SUPT3H: variants seen among roughly 807,000 people sequenced by gnomAD.
SUPT3H encodes SPT3 homolog, SAGA and STAGA complex component, also known as transcription initiation protein SPT3 homolog.
A neutral mutation model predicts 44.3 loss-of-function variants in SUPT3H; 44 were observed. That is an observed-to-expected ratio of 0.99 (90% CI 0.78 to 1.28). SUPT3H has a LOEUF of 1.28. SUPT3H is among the 50% of genes most tolerant of loss of function. The probability of loss-of-function intolerance (pLI) is 0.00; values close to 1 mark genes in which losing one functional copy is unlikely to be tolerated. For missense variants in SUPT3H, 380 were observed against 387.1 expected, an observed-to-expected ratio of 0.98 and a Z score of 0.15; for synonymous variants, 124 against 125.6, an observed-to-expected ratio of 0.99 and a Z score of 0.09.
intron 3 of SUPT3H, among the ~76,000 whole-genome samples, chr6:45,065,510 T>C (rs1246982179): frequency 6.9e-6 from 1 of 145,314 alleles, no homozygotes; most frequent in Admixed American, 6.9e-5. Flanking sequence ...CAAAAATCAA[T>C]GAATCCAGGA....
At chr6:44,810,547 GA>G (rs1251354802) in intron 11 of SUPT3H, among the ~76,000 whole-genome samples, 1 of 149,290 alleles carries the variant, frequency 6.7e-6, no homozygotes, top group Admixed American at 6.7e-5. Flanking sequence ...GAGAAAAGAG[GA>G]AAAAATATCA....
At chr6:44,906,042 G>A (rs1253069200) in intron 10 of SUPT3H, among the ~76,000 whole-genome samples, 1 of 152,120 alleles carries the variant, frequency 6.6e-6, no homozygotes, top group Non-Finnish European at 1.5e-5. Flanking sequence ...GGGGGATGGG[G>A]AGGGATAGCA....
chr6:45,098,796 T>C, intron 3 of SUPT3H: 1 of 526,842 alleles, frequency 1.9e-6, no homozygotes, highest in Non-Finnish European at 3.8e-6. Context: ...TGATTACTGT[T>C]GTTCAGAGAG....
At chr6:45,061,576 G>A (rs968358808) in intron 3 of SUPT3H, among the ~76,000 whole-genome samples, 3 of 152,072 alleles carry the variant, frequency 2.0e-5, no homozygotes, top group Admixed American at 6.5e-5. Context: ...TGCACGTCCT[G>A]CACATGTACA....
intron 5 of SUPT3H, among the ~76,000 whole-genome samples, chr6:45,010,453 T>A (rs1019350611): frequency 9.2e-5 from 14 of 152,258 alleles, no homozygotes; most frequent in African/African-American, 3.4e-4. Context: ...CCATTAACTA[T>A]GATGTTAGGT....
intron 10 of SUPT3H, among the ~76,000 whole-genome samples, chr6:44,928,243 G>C (rs1026685438): frequency 5.3e-5 from 8 of 152,178 alleles, no homozygotes; most frequent in Middle Eastern, 3.4e-3. Flanking sequence ...ATATAAGATG[G>C]CAAGCATCAA....
chr6:45,014,461 T>A (rs1388747936), intron 5 of SUPT3H, among the ~76,000 whole-genome samples: 1 of 152,020 alleles, frequency 6.6e-6, no homozygotes, highest in Non-Finnish European at 1.5e-5. Context: ...ACCCTCAAGG[T>A]CACACAAAGA....
intron 7 of SUPT3H, among the ~76,000 whole-genome samples, chr6:44,957,750 C>A (rs1262633608): frequency 6.6e-6 from 1 of 151,390 alleles, no homozygotes; most frequent in Admixed American, 6.6e-5. Flanking sequence ...AGCAGACTCA[C>A]AAGAAATATT....
chr6:45,281,527 G>A (rs1778073929), intron 2 of SUPT3H, among the ~76,000 whole-genome samples: 1 of 152,198 alleles, frequency 6.6e-6, no homozygotes, highest in Admixed American at 6.5e-5. Flanking sequence ...ACTGCAAGGT[G>A]GCAGCGAGGT....
At chr6:44,943,159 A>G (rs1297649966) in intron 9 of SUPT3H, among the ~76,000 whole-genome samples, 1 of 151,958 alleles carries the variant, frequency 6.6e-6, no homozygotes, top group Admixed American at 6.6e-5. Flanking sequence ...ACGGACAAAT[A>G]AAAAATAATG....
intron 9 of SUPT3H, among the ~76,000 whole-genome samples, chr6:44,943,083 T>G (rs1459226710): frequency 1.3e-5 from 2 of 152,206 alleles, no homozygotes; most frequent in African/African-American, 2.4e-5. Flanking sequence ...AATTTTGCAA[T>G]CAAGAATTTT....
chr6:44,962,631 G>A (rs566462433), intron 6 of SUPT3H, among the ~76,000 whole-genome samples: 2 of 150,536 alleles, frequency 1.3e-5, no homozygotes, highest in Admixed American at 6.6e-5. Flanking sequence ...CTTTACCATC[G>A]TTGTCAGAGC....
chr6:44,932,900 C>T (rs950963416), intron 9 of SUPT3H, 137 bp from the exon 10 acceptor site: 2 of 463,472 alleles, frequency 4.3e-6, no homozygotes, highest in Non-Finnish European at 3.7e-6. Flanking sequence ...CCATATACTA[C>T]ATCTAAAAAA....
At chr6:45,188,739 TA>T (rs997473473) in intron 2 of SUPT3H, among the ~76,000 whole-genome samples, 2 of 151,150 alleles carry the variant, frequency 1.3e-5, no homozygotes, top group East Asian at 1.9e-4. Context: ...TTTCATGATT[TA>T]AAAAAAAAAA....
intron 10 of SUPT3H, among the ~76,000 whole-genome samples, chr6:44,885,569 G>A (rs1582215602): frequency 1.3e-5 from 2 of 152,110 alleles, no homozygotes; most frequent in Non-Finnish European, 2.9e-5. Context: ...TCTGTTAGAA[G>A]GAAAACTAAC....
intron 10 of SUPT3H, among the ~76,000 whole-genome samples, chr6:44,830,207 C>T (rs900850856): frequency 1.3e-5 from 2 of 152,166 alleles, no homozygotes; most frequent in Non-Finnish European, 2.9e-5. Flanking sequence ...TCAGGAATCA[C>T]TTCTAACTAA....
At chr6:45,120,648 A>C (rs1374752536) in intron 2 of SUPT3H, among the ~76,000 whole-genome samples, 1 of 152,080 alleles carries the variant, frequency 6.6e-6, no homozygotes, top group Non-Finnish European at 1.5e-5. Context: ...AATAACCAAA[A>C]AAAGGAATCT....
intron 3 of SUPT3H, among the ~76,000 whole-genome samples, chr6:45,050,148 T>C (rs1220082886): frequency 6.6e-6 from 1 of 152,126 alleles, no homozygotes; most frequent in Non-Finnish European, 1.5e-5. Context: ...CTGAAGTACT[T>C]CTATAAAAGA....
intron 2 of SUPT3H, among the ~76,000 whole-genome samples, chr6:45,262,979 CA>C (rs761348450): frequency 1.7e-4 from 26 of 151,928 alleles, no homozygotes; most frequent in Non-Finnish European, 2.8e-4. Context: ...ATTAAAAAGT[CA>C]AAAAATAATA....
Sources: gnomAD v4.1 joint callset for allele counts (sites outside exome capture counted in the v4.1 genomes callset) on GRCh38, gnomAD v4.1.1 for gene constraint, MANE v1.5 for transcripts, NCBI Gene and HGNC (gene_info 2026-07-23, HGNC 2026-07-21) for gene names.